The following AGXT variants were observed in gnomAD, a reference collection of about 807,000 sequenced individuals.
The protein encoded by AGXT is alanine--glyoxylate aminotransferase.
AGXT carries 41 observed loss-of-function variants against 46.9 expected under a neutral mutation model. The ratio of observed to expected loss-of-function variants is 0.88; its 90% CI spans 0.68 to 1.14. The LOEUF is 1.14. Ranked by LOEUF, AGXT falls within the 50% of genes most tolerant of loss-of-function variation. AGXT has a pLI of 0.00. For synonymous variants in AGXT, 244 were observed against 227.9 expected, an observed-to-expected ratio of 1.07 and a Z score of -0.64; for missense variants, 525 against 522.7, an observed-to-expected ratio of 1.00 and a Z score of -0.04.
intron 8 of AGXT, 85 bp downstream of exon 8, chr2:240,876,089 GGTGC>G (rs2059023465): frequency 1.4e-6 from 2 of 1,470,472 alleles, no homozygotes; most frequent in Non-Finnish European, 1.9e-6. Flanking sequence ...AACCATCCCT[GGTGC>G]ACAGAGAAAA....
chr2:240,871,048 T>C (rs2058987993), intron 3 of AGXT: 1 of 578,960 alleles, frequency 1.7e-6, no homozygotes, highest in Non-Finnish European at 3.1e-6. Context: ...CCCTGTGGGC[T>C]GAAGTCAACC....
chr2:240,872,921 C>CCCT, intron 4 of AGXT, 58 bp from the exon 5 acceptor site: 1 of 1,452,058 alleles, frequency 6.9e-7, no homozygotes, highest in Non-Finnish European at 9.7e-7. Context: ...TGGGGCCAGG[C>CCCT]CCTCCAGTGG....
intron 9 of AGXT, 122 bp from the exon 10 acceptor site, chr2:240,877,900 C>T (rs1046914383): frequency 2.4e-5 from 34 of 1,403,566 alleles, no homozygotes; most frequent in South Asian, 6.1e-5. Context: ...TGCTCTCTCC[C>T]GGCCCTTTCT....
chr2:240,873,505 G>A (rs1046820434), intron 5 of AGXT: 4 of 263,742 alleles, frequency 1.5e-5, no homozygotes, highest in Admixed American at 5.0e-5. Flanking sequence ...CGGCCGAGGG[G>A]CCAAGGAGCC....
chr2:240,871,645 G>A (rs1054324964), intron 4 of AGXT, among the ~76,000 whole-genome samples, 196 bp downstream of exon 4: 3 of 152,174 alleles, frequency 2.0e-5, no homozygotes, highest in Non-Finnish European at 4.4e-5. Context: ...CCCAGGGCAG[G>A]CTCAGGTGCT....
chr2:240,869,290 C>G lies in AGXT; in HGVS notation c.286C>G (p.Pro96Ala), dbSNP rs1334695460. ...LEAALVNVLE[P>A]GDSFLVGANG... is the part of the protein sequence containing the mutation. ...GGCCGCCCTGGTCAATGTGCTGGAG[C>G]CTGGGGACTCCTTCCTGGTTGGGGC... The change falls in exon 2 of 11, where the codon CCT (proline) becomes GCT (alanine). Residue 96 changes from proline (P) to alanine (A), a missense_variant. Pro to Ala is a conservative substitution (Grantham distance 27, BLOSUM62 -1). Transcript: ENST00000307503. 1.2e-5 allele frequency: 19 copies of G among 1,613,106 alleles called. No homozygotes were observed. The highest frequency in any genetic ancestry group is 1.7e-5 in the Admixed American group (1 of 60,004).
At position 240,870,723 on chromosome 2, in the gene AGXT, G is replaced by A; in HGVS notation, c.423+15G>A. 1 of 1,553,050 alleles carries A rather than the reference G, an allele frequency of 6.4e-7. No homozygotes were observed. The highest frequency in any genetic ancestry group is 8.7e-7 in the Non-Finnish European group (1 of 1,148,164). ...AGGTGGAGGAGGTAGGGGACCCGGG[G>A]TGGGGGTCAGGGCCGGGAGGAGGTG... On this transcript the variant is annotated intron_variant, in intron 3 of 10. Coordinates refer to ENST00000307503, the MANE Select transcript of AGXT (RefSeq NM_000030.3).
chr2:240,878,691 T>G, intron 10 of AGXT, 23 bp from the exon 11 acceptor site: 3 of 1,540,708 alleles, frequency 1.9e-6, no homozygotes, highest in Non-Finnish European at 2.6e-6. Context: ...GAGGCTGACG[T>G]CAGCCCGCCC....
At chr2:240,869,397 T>C (rs1393243638) in intron 2 of AGXT, 35 bp downstream of exon 2, 31 of 1,526,940 alleles carry the variant, frequency 2.0e-5, no homozygotes, top group Non-Finnish European at 2.5e-5. Flanking sequence ...TGGCCCTGGA[T>C]CCATCCTTCA....
At chr2:240,869,966 G>T (rs1482711899) in intron 2 of AGXT, among the ~76,000 whole-genome samples, 4 of 152,164 alleles carry the variant, frequency 2.6e-5, no homozygotes, top group African/African-American at 4.8e-5. Context: ...AGCCAAGAGG[G>T]TCCCAACCCC....
intron 3 of AGXT, chr2:240,871,148 G>T (rs369445507): frequency 3.2e-6 from 2 of 627,490 alleles, no homozygotes; most frequent in East Asian, 2.7e-5. Flanking sequence ...CTCCATCTCT[G>T]CACCAAAGTC....
At chr2:240,873,145 C>A in intron 5 of AGXT, 96 bp downstream of exon 5, 1 of 1,134,702 alleles carries the variant, frequency 8.8e-7, no homozygotes, top group Non-Finnish European at 1.3e-6. Flanking sequence ...GCAGCCGATG[C>A]TGCGGATTCG....
chr2:240,870,978 G>A (rs1002656765), intron 3 of AGXT, among the ~76,000 whole-genome samples: 4 of 152,126 alleles, frequency 2.6e-5, no homozygotes, highest in Non-Finnish European at 5.9e-5. Flanking sequence ...GAGGCTGGAG[G>A]CAGGAGGCCG....
In AGXT at chr2:240,872,973, C is replaced by G; in HGVS notation, c.525-6C>G. ...CTGCCCTCCATTCTGTCCCCCACCT[C>G]TCCAGGTACAAGTGCCTGCTCCTGG... is the stretch of plus-strand genomic sequence containing the variant. On this transcript the variant is annotated splice_polypyrimidine_tract_variant and splice_region_variant and intron_variant, in intron 4 of 10. Coordinates refer to ENST00000307503, the MANE Select transcript of AGXT (RefSeq NM_000030.3). 2 of 1,613,844 alleles carry G rather than the reference C, an allele frequency of 1.2e-6. No individual in the cohort carries two copies. Among genetic ancestry groups the G allele is most frequent in the Non-Finnish European group, 1.7e-6 (2 of 1,179,818 alleles).
intron 3 of AGXT, 89 bp from the exon 4 acceptor site, chr2:240,871,260 C>T: frequency 1.7e-6 from 2 of 1,153,200 alleles, no homozygotes; most frequent in South Asian, 1.3e-5. Flanking sequence ...CCCCTGCTAC[C>T]TGGAGCTGTG....
chr2:240,878,864 C>T lies in AGXT; in HGVS notation c.*43C>T. 1.3e-6 allele frequency: 2 copies of T among 1,518,894 alleles called. No individual in the cohort carries two copies. The highest frequency in any genetic ancestry group is 2.4e-5 in the South Asian group (2 of 83,832). The allele number at this position is 1,518,894 out of a possible 1,614,324, so 94.1% of individuals were successfully genotyped here. On this transcript the variant is annotated 3_prime_UTR_variant, in exon 11 of 11. Coordinates refer to ENST00000307503, the MANE Select transcript of AGXT (RefSeq NM_000030.3). ...AGCTGGCACTGGCACACACCTGTCC[C>T]ATGCCCACCCTGAGGGATCAGGAGC...
At chr2:240,878,502 T>C (rs2059040362) in intron 10 of AGXT, among the ~76,000 whole-genome samples, 1 of 152,142 alleles carries the variant, frequency 6.6e-6, no homozygotes, top group South Asian at 2.1e-4. Context: ...TGTCCTCCCG[T>C]GTGGCTGCGG....
At chr2:240,878,264 C>T (rs2059039153) in intron 10 of AGXT, 114 bp downstream of exon 10, 1 of 1,455,352 alleles carries the variant, frequency 6.9e-7, no homozygotes, top group Non-Finnish European at 9.3e-7. Context: ...GCCCAGATTG[C>T]AGGAGCGTCC....
In AGXT at chr2:240,869,031, G is replaced by A; in HGVS notation, c.165+1G>A. ...GTCCATGAGCAAGGATATGTACCAG[G>A]TAGGAGTGGGGGTCACTCGGGGGGC... On this transcript the variant is annotated splice_donor_variant, in intron 1 of 10. Coordinates refer to ENST00000307503, the MANE Select transcript of AGXT (RefSeq NM_000030.3). LOFTEE classifies it high-confidence loss of function. 6.2e-7 allele frequency: 1 copy of A among 1,612,406 alleles called. No homozygotes were observed. Among genetic ancestry groups the A allele is most frequent in the Non-Finnish European group, 8.5e-7 (1 of 1,179,770 alleles).
Sources: gnomAD v4.1 joint callset for allele counts (sites outside exome capture counted in the v4.1 genomes callset) on GRCh38, gnomAD v4.1.1 for gene constraint, MANE v1.5 for transcripts, NCBI Gene and HGNC (gene_info 2026-07-23, HGNC 2026-07-21) for gene names.